The following KCNQ5 variants were observed in gnomAD, a reference collection of about 807,000 sequenced individuals.
KCNQ5 encodes potassium voltage-gated channel subfamily KQT member 5.
KCNQ5 carries 30 observed loss-of-function variants against 98.2 expected under a neutral mutation model. The ratio of observed to expected loss-of-function variants is 0.31; its 90% CI spans 0.23 to 0.41. The LOEUF (loss-of-function observed/expected upper bound fraction) is 0.41. Ranked by LOEUF, KCNQ5 falls within the 10% of genes least tolerant of loss-of-function variation. The pLI, the probability that KCNQ5 is intolerant of heterozygous loss-of-function variation, is 1.00. For missense variants in KCNQ5, 835 were observed against 1,182.5 expected, an observed-to-expected ratio of 0.71 and a Z score of 4.31; for synonymous variants, 458 against 449.4, an observed-to-expected ratio of 1.02 and a Z score of -0.24.
chr6:72,907,597 T>C (rs1347542113), intron 1 of KCNQ5, among the ~76,000 whole-genome samples: 3 of 152,212 alleles, frequency 2.0e-5, no homozygotes, highest in African/African-American at 7.2e-5. Context: ...TATTTCCTCC[T>C]AGGCTATCTC....
chr6:72,949,581 AT>A (rs1766705790), intron 1 of KCNQ5, among the ~76,000 whole-genome samples: 1 of 152,224 alleles, frequency 6.6e-6, no homozygotes, highest in Admixed American at 6.5e-5. Context: ...CTACGTGAGT[AT>A]AGCTTTAAAC....
rs531799496 is a variant in KCNQ5 at position 72,823,353 on chromosome 6, C to A, written c.399-180555C>A. Reference sequence around the variant, plus strand: ...AAATTGTGGTTTGCTGACTTCTTTACACTGATTATATGTATCATTAAAAAT... The same window carrying A: ...AAATTGTGGTTTGCTGACTTCTTTAAACTGATTATATGTATCATTAAAAAT... On this transcript the variant is annotated intron_variant, in intron 1 of 13. Transcript: ENST00000370398. Among the ~76,000 whole-genome samples, 4 of 152,166 alleles carry A rather than the reference C, an allele frequency of 2.6e-5. No individual in the cohort carries two copies. In the South Asian group the frequency reaches 8.3e-4, roughly 32 times the overall value.
chr6:72,762,384 G>T (rs1405263483), intron 1 of KCNQ5, among the ~76,000 whole-genome samples: 1 of 151,598 alleles, frequency 6.6e-6, no homozygotes, highest in Non-Finnish European at 1.5e-5. Context: ...ACACAGCTTT[G>T]CCATCCAACT....
intron 1 of KCNQ5, among the ~76,000 whole-genome samples, chr6:72,823,854 T>C (rs951757859): frequency 6.6e-6 from 1 of 152,244 alleles, no homozygotes; most frequent in African/African-American, 2.4e-5. Context: ...CACATTCAAA[T>C]ACATTTCATA....
chr6:72,910,562 G>GT (rs1253945251), intron 1 of KCNQ5, among the ~76,000 whole-genome samples: 4,028 of 19,594 alleles, frequency 0.21, 90 homozygotes, highest in Admixed American at 0.32. Context: ...AAAGGTAGGG[G>GT]GGTGTGTGTG....
intron 1 of KCNQ5, among the ~76,000 whole-genome samples, chr6:72,817,967 A>G (rs796522492): frequency 2.6e-5 from 4 of 152,124 alleles, no homozygotes; most frequent in African/African-American, 9.7e-5. Flanking sequence ...GGTGTCCAAG[A>G]GCCCCATTAA....
intron 11 of KCNQ5, among the ~76,000 whole-genome samples, chr6:73,180,035 G>C (rs748553734): frequency 1.3e-5 from 2 of 152,138 alleles, no homozygotes; most frequent in East Asian, 3.8e-4. Context: ...ACAAATTCTC[G>C]AGTCCCACTC....
chr6:73,093,049 G>A (rs184223312), intron 5 of KCNQ5, among the ~76,000 whole-genome samples: 4 of 151,982 alleles, frequency 2.6e-5, no homozygotes, highest in South Asian at 2.1e-4. Context: ...GACTTTTTTT[G>A]TTGGTAATTT....
chr6:72,874,267 A>G (rs1224816460), intron 1 of KCNQ5, among the ~76,000 whole-genome samples: 2 of 152,088 alleles, frequency 1.3e-5, no homozygotes, highest in African/African-American at 2.4e-5. Context: ...TAATTAGATA[A>G]GCTAGACATG....
chr6:72,650,324 CACATTTTAGACA>C (rs1354770988), intron 1 of KCNQ5, among the ~76,000 whole-genome samples: 1 of 152,026 alleles, frequency 6.6e-6, no homozygotes, highest in Non-Finnish European at 1.5e-5. Context: ...CTGGTTATAT[CACATTTTAGACA>C]ACTGCTTAGT....
chr6:72,761,006 G>C (rs1772243230), intron 1 of KCNQ5, among the ~76,000 whole-genome samples: 1 of 151,994 alleles, frequency 6.6e-6, no homozygotes. Context: ...ACAGTCATCT[G>C]TTTTTACATT....
intron 1 of KCNQ5, among the ~76,000 whole-genome samples, chr6:72,756,220 C>G (rs1373959083): frequency 6.6e-6 from 1 of 152,154 alleles, no homozygotes; most frequent in African/African-American, 2.4e-5. Flanking sequence ...GGGCATATCA[C>G]TCTTTGAACT....
intron 1 of KCNQ5, among the ~76,000 whole-genome samples, chr6:72,718,893 T>G (rs1769803441): frequency 6.6e-6 from 1 of 152,250 alleles, no homozygotes; most frequent in Non-Finnish European, 1.5e-5. Flanking sequence ...ATTGCTCTTT[T>G]TTTATTGAAA....
chr6:72,954,185 A>G (rs890606754), intron 1 of KCNQ5, among the ~76,000 whole-genome samples: 8 of 152,180 alleles, frequency 5.3e-5, no homozygotes, highest in African/African-American at 1.9e-4. Flanking sequence ...CTAAAACCAT[A>G]TCAAGCTTCT....
intron 5 of KCNQ5, among the ~76,000 whole-genome samples, chr6:73,095,711 A>G (rs1774455328): frequency 6.6e-6 from 1 of 152,254 alleles, no homozygotes; most frequent in East Asian, 1.9e-4. Flanking sequence ...CTAGCCACCC[A>G]ACAAGTCTTC....
At position 73,121,518 on chromosome 6, in the gene KCNQ5, C is replaced by T. The variant is rs562302193; in HGVS notation, c.1220+941C>T. Among the ~76,000 whole-genome samples, 7 of 152,252 alleles carry T rather than the reference C, an allele frequency of 4.6e-5. No homozygotes were observed. The East Asian group carries it at 1.4e-3, about 29-fold the overall frequency. ...CCAGCTTGATTAGCGTAGTCAGTTCCTCAGGTTGTTCAAAAGTTATTAAAT... is the reference window on the plus strand; with the variant it reads ...CCAGCTTGATTAGCGTAGTCAGTTCTTCAGGTTGTTCAAAAGTTATTAAAT... On this transcript the variant is annotated intron_variant, in intron 8 of 13. Transcript: ENST00000370398.
chr6:72,815,188 TA>T (rs2150108453), intron 1 of KCNQ5, among the ~76,000 whole-genome samples: 1 of 152,252 alleles, frequency 6.6e-6, no homozygotes, highest in Non-Finnish European at 1.5e-5. Context: ...GGGTGATACA[TA>T]ACATGTAGAT....
intron 2 of KCNQ5, among the ~76,000 whole-genome samples, chr6:73,019,662 A>G (rs1163996666): frequency 6.6e-6 from 1 of 152,202 alleles, no homozygotes; most frequent in Non-Finnish European, 1.5e-5. Flanking sequence ...AAACCTATTT[A>G]TCAAAAGTTC....
Position 73,169,727 on chromosome 6 carries a change from T to C in KCNQ5, c.1469-19T>C, listed in dbSNP as rs1044541004. The C allele has an allele frequency of 6.5e-7, 1 of 1,543,060 alleles. No homozygotes were observed. Among genetic ancestry groups the C allele is most frequent in the African/African-American group, 1.4e-5 (1 of 73,686 alleles). On this transcript the variant is annotated intron_variant, in intron 10 of 13. Coordinates refer to ENST00000370398, the MANE Select transcript of KCNQ5 (RefSeq NM_019842.4). Reference sequence around the variant, plus strand: ...ATTGCGGATGGTGGTGTTATTTAACTGGCAATATTCTCTTGCAGCTGACAC... The same window carrying C: ...ATTGCGGATGGTGGTGTTATTTAACCGGCAATATTCTCTTGCAGCTGACAC...
Sources: allele counts gnomAD v4.1 joint callset (sites outside exome capture counted in the v4.1 genomes callset), GRCh38; gene constraint gnomAD v4.1.1; transcripts MANE v1.5; gene names NCBI Gene and HGNC (gene_info 2026-07-23, HGNC 2026-07-21).